The following PARD3B variants were observed in gnomAD, a reference collection of about 807,000 sequenced individuals.
PARD3B encodes the protein par-3 family cell polarity regulator beta, also known as partitioning defective 3 homolog B.
In PARD3B, 103 loss-of-function variants were observed where a neutral mutation model predicts 130.2. The observed-to-expected ratio is 0.79, with a 90% confidence interval of 0.67 to 0.93. PARD3B has a LOEUF of 0.93. PARD3B is among the 40% of genes least tolerant of loss of function. The pLI is 0.00. For synonymous variants in PARD3B, 583 were observed against 553.2 expected, an observed-to-expected ratio of 1.05 and a Z score of -0.76; for missense variants, 1,609 against 1,499.2, an observed-to-expected ratio of 1.07 and a Z score of -1.21.
chr2:204,832,148 C>T (rs2043849128), intron 2 of PARD3B, among the ~76,000 whole-genome samples: 1 of 152,024 alleles, frequency 6.6e-6, no homozygotes, highest in Non-Finnish European at 1.5e-5. Flanking sequence ...ATGGCATGAA[C>T]CTGGGAGGCA....
chr2:204,936,386 G>T (rs1253894164), intron 2 of PARD3B, among the ~76,000 whole-genome samples: 1 of 152,160 alleles, frequency 6.6e-6, no homozygotes, highest in Non-Finnish European at 1.5e-5. Flanking sequence ...AAATATTGTT[G>T]ATCAATCTAT....
chr2:204,858,959 A>G (rs1043305964), intron 2 of PARD3B, among the ~76,000 whole-genome samples: 2 of 151,814 alleles, frequency 1.3e-5, no homozygotes, highest in African/African-American at 4.8e-5. Context: ...CATGTTTCCA[A>G]TATTCACCTG....
intron 21 of PARD3B, among the ~76,000 whole-genome samples, chr2:205,533,784 C>A (rs188908688): frequency 6.6e-6 from 1 of 151,992 alleles, no homozygotes. Context: ...GGCTAGAGTG[C>A]AGGGGTGCAA....
chr2:205,591,985 C>G lies in PARD3B; in HGVS notation c.3261-23471C>G, dbSNP rs538798422. ...GCTAGGATCTCATTTAATGGTCACA[C>G]CTAGACAAAGTGGAAGGATAATCCT... On this transcript the variant is annotated intron_variant, in intron 22 of 22. Transcript: ENST00000406610. The surrounding 1 kb of genome is among the most constrained non-coding windows in gnomAD (Gnocchi z 4.2). Among the ~76,000 whole-genome samples, 13 of 152,260 alleles carry G rather than the reference C, an allele frequency of 8.5e-5. No individual in the cohort carries two copies. Among genetic ancestry groups the G allele is most frequent in the Admixed American group, 7.9e-4 (12 of 15,286 alleles).
intron 2 of PARD3B, among the ~76,000 whole-genome samples, chr2:204,935,714 C>G (rs971592229): frequency 1.3e-5 from 2 of 152,072 alleles, no homozygotes; most frequent in South Asian, 2.1e-4. Flanking sequence ...TAAGCTACTT[C>G]CCCAGTCACA....
chr2:204,874,451 C>T (rs777340433), intron 2 of PARD3B, among the ~76,000 whole-genome samples: 2 of 152,100 alleles, frequency 1.3e-5, no homozygotes, highest in Non-Finnish European at 2.9e-5. Flanking sequence ...CCTCAAAAGA[C>T]AATTACAATA....
chr2:204,965,037 T>C (rs1310437796), intron 2 of PARD3B, 115 bp from the exon 3 acceptor site: 30 of 888,892 alleles, frequency 3.4e-5, no homozygotes, highest in Non-Finnish European at 4.7e-5. Context: ...ATTAACATTT[T>C]AAGTTTGATG....
chr2:204,800,734 T>C (rs2042538191), intron 2 of PARD3B, among the ~76,000 whole-genome samples: 1 of 152,340 alleles, frequency 6.6e-6, no homozygotes, highest in Admixed American at 6.5e-5. Flanking sequence ...CATTTGTCAA[T>C]TTTGGCTTTT....
chr2:205,474,907 T>C, intron 20 of PARD3B, among the ~76,000 whole-genome samples: 1 of 152,180 alleles, frequency 6.6e-6, no homozygotes, highest in East Asian at 1.9e-4. Flanking sequence ...TAAGCATTTT[T>C]ATAGAAGCTC....
intron 16 of PARD3B, among the ~76,000 whole-genome samples, chr2:205,257,249 T>A (rs2040127977): frequency 6.6e-6 from 1 of 151,990 alleles, no homozygotes; most frequent in African/African-American, 2.4e-5. Flanking sequence ...ACGAAACAGC[T>A]TACAAATTTC....
intron 22 of PARD3B, among the ~76,000 whole-genome samples, 157 bp downstream of exon 22, chr2:205,553,560 T>A (rs560432318): frequency 6.6e-6 from 1 of 152,208 alleles, no homozygotes; most frequent in Non-Finnish European, 1.5e-5. Flanking sequence ...TTCACAAATG[T>A]GCTAATAATT....
At chr2:205,556,085 T>A (rs2052870098) in intron 22 of PARD3B, among the ~76,000 whole-genome samples, 1 of 152,092 alleles carries the variant, frequency 6.6e-6, no homozygotes, top group South Asian at 2.1e-4. Context: ...CACCGCTGTC[T>A]CCTTTTGCCA....
intron 2 of PARD3B, among the ~76,000 whole-genome samples, chr2:204,882,578 C>T (rs2046096154): frequency 6.6e-6 from 1 of 152,130 alleles, no homozygotes; most frequent in African/African-American, 2.4e-5. Context: ...GACTCCTTGA[C>T]AAAACATGCA....
intron 2 of PARD3B, among the ~76,000 whole-genome samples, chr2:204,744,880 C>T (rs2040151996): frequency 6.6e-6 from 1 of 152,024 alleles, no homozygotes; most frequent in Non-Finnish European, 1.5e-5. Context: ...TAACCCATTC[C>T]CCTCCAGTAA....
intron 21 of PARD3B, among the ~76,000 whole-genome samples, chr2:205,517,909 T>G (rs1322801437): frequency 6.6e-6 from 1 of 152,138 alleles, no homozygotes; most frequent in Non-Finnish European, 1.5e-5. Context: ...GATGTCTTAG[T>G]CTTGAGTTGT....
chr2:205,528,132 C>T (rs1229152657), intron 21 of PARD3B, among the ~76,000 whole-genome samples: 1 of 152,138 alleles, frequency 6.6e-6, no homozygotes, highest in Non-Finnish European at 1.5e-5. Flanking sequence ...AGGTTGTGCT[C>T]ACATTTCATA....
intron 2 of PARD3B, among the ~76,000 whole-genome samples, chr2:204,850,669 C>G (rs1160517588): frequency 6.6e-6 from 1 of 151,996 alleles, no homozygotes; most frequent in Non-Finnish European, 1.5e-5. Context: ...TTCTCAAAGC[C>G]CCTGACTCCT....
intron 1 of PARD3B, among the ~76,000 whole-genome samples, chr2:204,594,009 C>T (rs1265744440): frequency 6.6e-6 from 1 of 152,110 alleles, no homozygotes; most frequent in Non-Finnish European, 1.5e-5. Context: ...TTATGGCACT[C>T]CAAGATGCCA....
At chr2:205,490,468 A>G (rs1253449076) in intron 20 of PARD3B, among the ~76,000 whole-genome samples, 1 of 152,156 alleles carries the variant, frequency 6.6e-6, no homozygotes, top group Non-Finnish European at 1.5e-5. Flanking sequence ...GCTGCATAGT[A>G]TTCTGTGGTG....
Sources: gnomAD v4.1 joint callset for allele counts (sites outside exome capture counted in the v4.1 genomes callset) on GRCh38, gnomAD v4.1.1 for gene constraint, Gnocchi (gnomAD v3.1) non-coding constraint, MANE v1.5 for transcripts, NCBI Gene and HGNC (gene_info 2026-07-23, HGNC 2026-07-21) for gene names.